EPHB2: variants seen among roughly 807,000 people sequenced by gnomAD.
EPHB2 encodes the protein ephrin type-B receptor 2.
A neutral mutation model predicts 96.4 loss-of-function variants in EPHB2; 18 were observed. The ratio of observed to expected loss-of-function variants is 0.19; its 90% CI spans 0.13 to 0.28. The LOEUF is 0.28. Among genes scored for constraint, EPHB2 ranks in the 10% least tolerant of loss-of-function variants. The pLI, the probability that EPHB2 is intolerant of heterozygous loss-of-function variation, is 1.00. For missense variants in EPHB2, 989 were observed against 1,355.4 expected, an observed-to-expected ratio of 0.73 and a Z score of 4.25; for synonymous variants, 506 against 534.1, an observed-to-expected ratio of 0.95 and a Z score of 0.72.
chr1:22,911,563 G>T (rs1186911597), intron 14 of EPHB2, among the ~76,000 whole-genome samples: 2 of 152,150 alleles, frequency 1.3e-5, no homozygotes, highest in Admixed American at 6.5e-5. Context: ...TCTCCTCAAG[G>T]CTCAAGCCTC....
Position 22,906,800 on chromosome 1 carries a change from C to G in EPHB2, c.1979C>G (p.Thr660Arg). Residue 660 changes from threonine to arginine, a missense_variant, in exon 11 of 16, where the codon ACG becomes AGG. Transcript: ENST00000374630. The surrounding 1 kb of genome is among the most constrained non-coding windows in gnomAD (Gnocchi z 4.8). ...VAIKTLKSGY[T>R]EKQRRDFLSE... ...ATCAAGACGCTCAAGTCGGGCTACACGGAGAAGCAGCGCCGGGACTTCCTG... is the reference window on the plus strand; with the variant it reads ...ATCAAGACGCTCAAGTCGGGCTACAGGGAGAAGCAGCGCCGGGACTTCCTG... 6.2e-7 allele frequency: 1 copy of G among 1,614,192 alleles called. No homozygotes were observed. Among genetic ancestry groups the G allele is most frequent in the Non-Finnish European group, 8.5e-7 (1 of 1,180,042 alleles).
At chr1:22,723,866 TA>T (rs554698887) in intron 1 of EPHB2, among the ~76,000 whole-genome samples, 1 of 152,200 alleles carries the variant, frequency 6.6e-6, no homozygotes, top group Non-Finnish European at 1.5e-5. Flanking sequence ...AAGGCAATAA[TA>T]ATAGTAGTAA....
At chr1:22,728,260 T>C (rs542377693) in intron 1 of EPHB2, among the ~76,000 whole-genome samples, 1 of 152,306 alleles carries the variant, frequency 6.6e-6, no homozygotes, top group East Asian at 1.9e-4. Context: ...GGAATACATA[T>C]GATTTACGGG....
intron 6 of EPHB2, among the ~76,000 whole-genome samples, chr1:22,889,120 A>G (rs1407966387): frequency 6.6e-6 from 1 of 152,142 alleles, no homozygotes; most frequent in Non-Finnish European, 1.5e-5. Context: ...GCGCCACTGC[A>G]CTCCAGCCTG....
In EPHB2 at chr1:22,906,792, G is replaced by T. The variant is rs199972358; in HGVS notation, c.1971G>T (p.Ser657=). 1 of 1,614,202 alleles carries T rather than the reference G, an allele frequency of 6.2e-7. No individual in the cohort carries two copies. The highest frequency in any genetic ancestry group is 8.5e-7 in the Non-Finnish European group (1 of 1,180,046). ...EIFVAIKTLK[S]GYTEKQRRDF... ...TTGTGGCCATCAAGACGCTCAAGTC[G>T]GGCTACACGGAGAAGCAGCGCCGGG... The change falls in exon 11 of 16, where the codon TCG becomes TCT. Residue 657 remains serine, a synonymous_variant. Coordinates refer to ENST00000374630, the MANE Select transcript of EPHB2 (RefSeq NM_017449.5). The surrounding 1 kb of genome is among the most constrained non-coding windows in gnomAD (Gnocchi z 4.8).
At chr1:22,717,351 A>G (rs888419264) in intron 1 of EPHB2, among the ~76,000 whole-genome samples, 1 of 152,056 alleles carries the variant, frequency 6.6e-6, no homozygotes, top group Non-Finnish European at 1.5e-5. Context: ...GGCCTTTTAA[A>G]GCAGCTGCCT....
intron 3 of EPHB2, among the ~76,000 whole-genome samples, chr1:22,806,588 A>G (rs2148455788): frequency 6.6e-6 from 1 of 152,230 alleles, no homozygotes; most frequent in East Asian, 1.9e-4. Flanking sequence ...CCAGCTTCTC[A>G]GCACAGTAAG....
At chr1:22,722,721 G>C (rs546221407) in intron 1 of EPHB2, among the ~76,000 whole-genome samples, 1 of 152,336 alleles carries the variant, frequency 6.6e-6, no homozygotes, top group South Asian at 2.1e-4. Context: ...ATGAAAAGCA[G>C]CGTGGTCTTA....
Position 22,913,305 on chromosome 1 carries a change from TCC to T in EPHB2, c.2853-155_2853-154del. On this transcript the variant is annotated intron_variant, in intron 15 of 15. Transcript: ENST00000374630. This position sits in a 1 kb window ranked among gnomAD's most constrained non-coding sequence, Gnocchi z 4.1. ...CTCTTCCACCTCACACCATAGTCGC[TCC>T]CTCCAGCTGTGGCTGCCTGCCCACT... 9.9e-6 allele frequency: 9 copies of T among 905,926 alleles called. No homozygotes were observed. 56.1% of individuals were successfully genotyped at this position (905,926 alleles called of 1,614,324 possible).
At chr1:22,805,152 C>A (rs912437843) in intron 3 of EPHB2, among the ~76,000 whole-genome samples, 16 of 151,862 alleles carry the variant, frequency 1.1e-4, no homozygotes, top group African/African-American at 3.9e-4. Context: ...CGGGATGAGC[C>A]ATGCACCCGG....
At chr1:22,774,132 C>A (rs1289615336) in intron 1 of EPHB2, among the ~76,000 whole-genome samples, 1 of 152,188 alleles carries the variant, frequency 6.6e-6, no homozygotes, top group African/African-American at 2.4e-5. Context: ...CCCTCTCCTC[C>A]CAGCTCACAT....
chr1:22,741,816 G>T (rs1338617036), intron 1 of EPHB2, among the ~76,000 whole-genome samples: 3 of 152,072 alleles, frequency 2.0e-5, no homozygotes, highest in Non-Finnish European at 2.9e-5. Flanking sequence ...TGTCTTACAT[G>T]CCTGTCTCGG....
At chr1:22,815,910 C>T (rs547496816) in intron 3 of EPHB2, among the ~76,000 whole-genome samples, 1 of 152,246 alleles carries the variant, frequency 6.6e-6, no homozygotes, top group South Asian at 2.1e-4. Flanking sequence ...ATGAAGCCAC[C>T]ATGTCCATCG....
intron 3 of EPHB2, among the ~76,000 whole-genome samples, chr1:22,831,305 C>G (rs1193137206): frequency 6.6e-6 from 1 of 152,080 alleles, no homozygotes; most frequent in Non-Finnish European, 1.5e-5. Context: ...AAGTGAGCAC[C>G]AGATACAAAC....
At chr1:22,730,196 G>A (rs1643675890) in intron 1 of EPHB2, among the ~76,000 whole-genome samples, 1 of 152,250 alleles carries the variant, frequency 6.6e-6, no homozygotes, top group Admixed American at 6.5e-5. Flanking sequence ...TGGATGGACA[G>A]ATGAGGCTTC....
rs1391913610 is a variant in EPHB2, at chr1:22,914,563, A to T, written c.*993A>T. 6.6e-6 allele frequency: 1 copy of T among 152,440 alleles called. No individual in the cohort carries two copies. Among genetic ancestry groups the T allele is most frequent in the South Asian group, 2.1e-4 (1 of 4,794 alleles). 9.4% of individuals were successfully genotyped at this position (152,440 alleles called of 1,614,324 possible). On this transcript the variant is annotated 3_prime_UTR_variant, in exon 16 of 16. Coordinates refer to ENST00000374630, the MANE Select transcript of EPHB2 (RefSeq NM_017449.5). ...TTTTGTTTTTTGGTTTTTTTTAATG[A>T]CAATGAAGTGACACTTTGACATTTC...
chr1:22,806,504 CGGATGGATGGATGGAT>C (rs144315850), intron 3 of EPHB2, among the ~76,000 whole-genome samples: 5 of 148,600 alleles, frequency 3.4e-5, no homozygotes, highest in Admixed American at 1.3e-4. Context: ...GACGGACGGA[CGGATGGATGGATGGAT>C]GGATGGATGG....
At position 22,749,873 on chromosome 1, in the gene EPHB2, A is replaced by G. The variant is rs547537052; in HGVS notation, c.62-31548A>G. Reference sequence around the variant, plus strand: ...AAGACATACGGACAAAAGGATGGGGATGAGGAGGGGATACATGAAGTTACC... The same window carrying G: ...AAGACATACGGACAAAAGGATGGGGGTGAGGAGGGGATACATGAAGTTACC... On this transcript the variant is annotated intron_variant, in intron 1 of 15. Transcript: ENST00000374630. Among the ~76,000 whole-genome samples the G allele has an allele frequency of 4.4e-4, 67 of 151,430 alleles. 1 individual carries two copies. In the South Asian group the frequency reaches 0.01, roughly 24 times the overall value.
intron 1 of EPHB2, among the ~76,000 whole-genome samples, chr1:22,712,963 C>T (rs555218436): frequency 6.6e-6 from 1 of 152,256 alleles, no homozygotes; most frequent in South Asian, 2.1e-4. Context: ...TTTAATTACT[C>T]TGGGGTAGAT....
Sources: allele counts gnomAD v4.1 joint callset (sites outside exome capture counted in the v4.1 genomes callset), GRCh38; gene constraint gnomAD v4.1.1; non-coding constraint Gnocchi (gnomAD v3.1); transcripts MANE v1.5; gene names NCBI Gene and HGNC (gene_info 2026-07-23, HGNC 2026-07-21).